The following PLXNC1 variants were observed in gnomAD, a reference collection of about 807,000 sequenced individuals.
PLXNC1 encodes plexin C1.
PLXNC1 carries 75 observed loss-of-function variants against 178.2 expected under a neutral mutation model. That is an observed-to-expected ratio of 0.42 (90% confidence interval 0.35 to 0.51). PLXNC1 has a LOEUF of 0.51. Among genes scored for constraint, PLXNC1 ranks in the 20% least tolerant of loss-of-function variants. The pLI, the probability that PLXNC1 is intolerant of heterozygous loss-of-function variation, is 0.02. For missense variants in PLXNC1, 1,503 were observed against 1,984.4 expected, an observed-to-expected ratio of 0.76 and a Z score of 4.61; for synonymous variants, 790 against 779.9, an observed-to-expected ratio of 1.01 and a Z score of -0.22.
chr12:94,248,029 C>A lies in PLXNC1; in HGVS notation c.2515C>A (p.Gln839Lys). 1.2e-6 allele frequency: 2 copies of A among 1,614,086 alleles called. No homozygotes were observed. Among genetic ancestry groups the A allele is most frequent in the Non-Finnish European group, 1.7e-6 (2 of 1,179,960 alleles). The change falls in exon 13 of 31, where the codon CAG (glutamine) becomes AAG (lysine). Residue 839 changes from glutamine to lysine, a missense_variant. By Grantham distance (53) the Gln-to-Lys change is moderately conservative. Transcript: ENST00000258526. ...CACCTACTTGGATTGTGGAACCCTGCAGTATCGGGAGGACCCCAGATTCAC... is the reference window on the plus strand; with the variant it reads ...CACCTACTTGGATTGTGGAACCCTGAAGTATCGGGAGGACCCCAGATTCAC... ...QDTYLDCGTL[Q>K]YREDPRFTGY... is the part of the protein sequence containing the mutation.
intron 20 of PLXNC1, 51 bp from the exon 21 acceptor site, chr12:94,265,028 G>A (rs544803005): frequency 1.8e-5 from 28 of 1,589,688 alleles, no homozygotes; most frequent in East Asian, 1.6e-4. Context: ...TCTTTGGAAA[G>A]TACAGTGGAT....
Position 94,251,426 on chromosome 12 carries a change from G to A in PLXNC1, c.2779G>A (p.Val927Ile). Residue 927 changes from valine to isoleucine, a missense_variant and splice_region_variant, in exon 15 of 31, where the codon GTC becomes ATC. This residue lies in a region of PLXNC1 where 639 missense variants were observed against 979.7 expected (regional missense o/e 0.65). Transcript: ENST00000258526. ...TIANSSKKVR[V>I]KLGNLELYVE... ...CTAATGACATTCTTTGTCCCATCAGGTCAAGCTGGGAAACCTGGAGCTCTA... is the reference window on the plus strand; with the variant it reads ...CTAATGACATTCTTTGTCCCATCAGATCAAGCTGGGAAACCTGGAGCTCTA... The A allele has an allele frequency of 6.3e-7, 1 of 1,597,294 alleles. No homozygotes were observed. Among genetic ancestry groups the A allele is most frequent in the South Asian group, 1.1e-5 (1 of 90,778 alleles).
At position 94,201,748 on chromosome 12, in the gene PLXNC1, CTTTTTTTTTTTTTTTTTT is replaced by C. The variant is rs10529488; in HGVS notation, c.1440-7821_1440-7804del. ...TCTGCCTGGACTGCTCTTCCCACTA[CTTTTTTTTTTTTTTTTTT>C]TTTTTTTTTTTTTTTTTTTTGAGAC... On this transcript the variant is annotated intron_variant, in intron 4 of 30. Coordinates refer to ENST00000258526, the MANE Select transcript of PLXNC1 (RefSeq NM_005761.3). Among the ~76,000 whole-genome samples, 343 of 54,504 alleles carry C rather than the reference CTTTTTTTTTTTTTTTTTT, an allele frequency of 6.3e-3. 5 individuals carry two copies. The highest frequency in any genetic ancestry group is 0.024 in the African/African-American group (328 of 13,742). 35.8% of individuals were successfully genotyped at this position (54,504 alleles called of 152,430 possible).
At chr12:94,213,506 T>C (rs1037055382) in intron 5 of PLXNC1, among the ~76,000 whole-genome samples, 2 of 152,122 alleles carry the variant, frequency 1.3e-5, no homozygotes, top group Non-Finnish European at 2.9e-5. Context: ...GGTCGTTTGC[T>C]TTTTCTTGTA....
At chr12:94,188,410 C>T (rs1045170915) in intron 4 of PLXNC1, among the ~76,000 whole-genome samples, 2 of 150,764 alleles carry the variant, frequency 1.3e-5, no homozygotes, top group South Asian at 2.1e-4. Flanking sequence ...GCAACCTCCA[C>T]CTCCCAGGTT....
At chr12:94,261,752 T>C (rs1418741344) in intron 20 of PLXNC1, among the ~76,000 whole-genome samples, 3 of 152,232 alleles carry the variant, frequency 2.0e-5, no homozygotes, top group African/African-American at 7.2e-5. Flanking sequence ...TTGAATAAGA[T>C]ACACTGCTAT....
chr12:94,173,662 TCTATCCCCCAA>T (rs1474627605), intron 2 of PLXNC1, among the ~76,000 whole-genome samples: 1 of 152,198 alleles, frequency 6.6e-6, no homozygotes, highest in African/African-American at 2.4e-5. Flanking sequence ...AGCCCGAGCT[TCTATCCCCCAA>T]CTAAACTGCA....
In PLXNC1 at chr12:94,303,767, T is replaced by TAATA; in HGVS notation, c.4400_4403dup (p.Leu1469Ter). 8.2e-7 allele frequency: 1 copy of TAATA among 1,224,610 alleles called. No individual in the cohort carries two copies. The highest frequency in any genetic ancestry group is 1.1e-6 in the Non-Finnish European group (1 of 899,298). 75.9% of individuals were successfully genotyped at this position (1,224,610 alleles called of 1,614,324 possible). A position where few individuals can be genotyped will look rare whatever the true frequency, so the allele number is the denominator to read the frequency against. On this transcript the variant is annotated frameshift_variant, in exon 29 of 31. Coordinates refer to ENST00000258526, the MANE Select transcript of PLXNC1 (RefSeq NM_005761.3). LOFTEE classifies it high-confidence loss of function. ...TTTTTTTTCCCCAGGAAGCACCAAC[T>TAATA]AATAAGCTTCTCTATGCCAAGGATA...
At chr12:94,202,942 T>A (rs1963186216) in intron 4 of PLXNC1, among the ~76,000 whole-genome samples, 1 of 152,076 alleles carries the variant, frequency 6.6e-6, no homozygotes, top group Non-Finnish European at 1.5e-5. Flanking sequence ...AAGGGTGTCA[T>A]GAGAGATTTT....
chr12:94,209,643 A>C lies in PLXNC1; in HGVS notation c.1493A>C (p.Asp498Ala). 1 of 1,613,768 alleles carries C rather than the reference A, an allele frequency of 6.2e-7. No homozygotes were observed. Among genetic ancestry groups the C allele is most frequent in the Non-Finnish European group, 8.5e-7 (1 of 1,179,724 alleles). Residue 498 changes from aspartate to alanine, a missense_variant, in exon 5 of 31, where the codon GAT becomes GCT. Coordinates refer to ENST00000258526, the MANE Select transcript of PLXNC1 (RefSeq NM_005761.3). ...TCAGAGAACTTAGAAAACTGGCTGG[A>C]TATTTCGTCTGGAGCAAAAAAGTGC... ...VHSENLENWLDISSGAKKCPK... is the reference protein window; with the variant it reads ...VHSENLENWLAISSGAKKCPK...
At position 94,235,955 on chromosome 12, in the gene PLXNC1, T is replaced by C. The variant is rs566008799; in HGVS notation, c.1981-1709T>C. ...GTAGGTGCTCAATAAACACTTGTTC[T>C]CTTAGCTGTCACCACGTAAGAGCGA... On this transcript the variant is annotated intron_variant, in intron 9 of 30. Transcript: ENST00000258526. Among the ~76,000 whole-genome samples, 3 of 152,298 alleles carry C rather than the reference T, an allele frequency of 2.0e-5. No homozygotes were observed. In the East Asian group the frequency reaches 5.8e-4, roughly 29 times the overall value.
chr12:94,279,145 CT>C (rs781145249), intron 21 of PLXNC1, among the ~76,000 whole-genome samples: 2 of 151,998 alleles, frequency 1.3e-5, no homozygotes, highest in Non-Finnish European at 2.9e-5. Context: ...CCTTCCAATT[CT>C]TTTTTTTCTT....
At chr12:94,234,638 T>C (rs1964193182) in intron 9 of PLXNC1, among the ~76,000 whole-genome samples, 1 of 152,218 alleles carries the variant, frequency 6.6e-6, no homozygotes, top group Non-Finnish European at 1.5e-5. Flanking sequence ...GGTATTTTGA[T>C]TTGAATACAT....
intron 20 of PLXNC1, among the ~76,000 whole-genome samples, chr12:94,262,357 C>T (rs1020700311): frequency 1.3e-5 from 2 of 152,242 alleles, no homozygotes; most frequent in South Asian, 2.1e-4. Context: ...CGTGTGTGGG[C>T]GTTGCCTTTA....
At chr12:94,220,364 T>C (rs998367952) in intron 6 of PLXNC1, among the ~76,000 whole-genome samples, 1 of 152,132 alleles carries the variant, frequency 6.6e-6, no homozygotes, top group Non-Finnish European at 1.5e-5. Context: ...CACTATCAGA[T>C]ATGCCTGGAC....
At chr12:94,210,755 C>T (rs922705484) in intron 5 of PLXNC1, among the ~76,000 whole-genome samples, 26 of 152,044 alleles carry the variant, frequency 1.7e-4, no homozygotes, top group African/African-American at 6.3e-4. Context: ...TGTTGTCTTC[C>T]TGGAGAAAAA....
At chr12:94,191,273 C>A (rs1034755285) in intron 4 of PLXNC1, among the ~76,000 whole-genome samples, 1 of 152,152 alleles carries the variant, frequency 6.6e-6, no homozygotes, top group Admixed American at 6.5e-5. Context: ...ATATGAAGCT[C>A]CCAGTACCAT....
intron 2 of PLXNC1, among the ~76,000 whole-genome samples, chr12:94,170,327 TC>T (rs1305467309): frequency 3.3e-5 from 5 of 152,166 alleles, no homozygotes; most frequent in African/African-American, 1.2e-4. Context: ...GCACACGTAT[TC>T]CCCACCATCC....
chr12:94,168,159 G>C (rs188729588), intron 1 of PLXNC1: 70 of 152,300 alleles, frequency 4.6e-4, no homozygotes, highest in African/African-American at 1.5e-3. Flanking sequence ...TTTGCTGGCT[G>C]CAACTTCAAT....
Sources: allele counts gnomAD v4.1 joint callset (sites outside exome capture counted in the v4.1 genomes callset), GRCh38; gene constraint gnomAD v4.1.1; regional missense constraint gnomAD v4.1.1; transcripts MANE v1.5; gene names NCBI Gene and HGNC (gene_info 2026-07-23, HGNC 2026-07-21).